ZHX1: variants seen among roughly 807,000 people sequenced by gnomAD.
ZHX1 encodes the protein zinc fingers and homeoboxes 1.
Under a neutral mutation model 61.8 loss-of-function variants are expected in ZHX1, and 20 were observed. The observed-to-expected ratio is 0.32, with a 90% CI of 0.23 to 0.47. The LOEUF is 0.47. Among genes scored for constraint, ZHX1 ranks in the 20% least tolerant of loss-of-function variants. The probability of loss-of-function intolerance (pLI) is 1.00; values close to 1 mark genes in which losing one functional copy is unlikely to be tolerated. For missense variants in ZHX1, 800 were observed against 1,034.8 expected, an observed-to-expected ratio of 0.77 and a Z score of 3.11; for synonymous variants, 318 against 352.6, an observed-to-expected ratio of 0.90 and a Z score of 1.10.
chr8:123,252,096 G>A (rs1251234005), intron 3 of ZHX1, among the ~76,000 whole-genome samples: 2 of 152,148 alleles, frequency 1.3e-5, no homozygotes. Flanking sequence ...AAGTAAGCAT[G>A]CTCACGTATA....
Position 123,253,992 on chromosome 8 carries a change from T to C in ZHX1, c.1955A>G (p.Glu652Gly). Reference sequence around the variant, plus strand: ...ACTCCCTGACTTAGGTGCACCAGATTCATCTGCAGGAGAAGTTTCTCCAGC... The same window carrying C: ...ACTCCCTGACTTAGGTGCACCAGATCCATCTGCAGGAGAAGTTTCTCCAGC... The part of the protein sequence containing the change: ...EEAGETSPAD[E>G]SGAPKSGSTG... Residue 652 changes from glutamate to glycine, a missense_variant, in exon 3 of 4, where the codon GAA becomes GGA. Coordinates refer to ENST00000395571, the MANE Select transcript of ZHX1 (RefSeq NM_007222.5). The C allele has an allele frequency of 1.2e-6, 2 of 1,614,192 alleles. No homozygotes were observed. The highest frequency in any genetic ancestry group is 1.7e-6 in the Non-Finnish European group (2 of 1,180,032).
intron 1 of ZHX1, 45 bp from the exon 2 acceptor site, chr8:123,267,431 T>C: frequency 1.8e-6 from 1 of 551,698 alleles, no homozygotes; most frequent in Non-Finnish European, 2.8e-6. Flanking sequence ...AATTTAGCCT[T>C]AGTCAGGAAA....
rs965823768 is a variant in ZHX1 at position 123,261,012 on chromosome 8, ACT to A, written c.-225-4843_-225-4842del. ...ATTCCAGCCTGGGTGACAGAGAGAG[ACT>A]CTGTCTCAAAAAAAAGACTATTTGC... On this transcript the variant is annotated intron_variant, in intron 2 of 3. Transcript: ENST00000395571. Among the ~76,000 whole-genome samples, 25 of 152,084 alleles carry A rather than the reference ACT, an allele frequency of 1.6e-4. 1 individual carries two copies. The highest frequency in any genetic ancestry group is 5.8e-4 in the African/African-American group (24 of 41,478).
chr8:123,253,291 T>G, intron 3 of ZHX1, 31 bp downstream of exon 3: 1 of 1,523,058 alleles, frequency 6.6e-7, no homozygotes. Context: ...TTGATGAACA[T>G]ATACGCAGAT....
chr8:123,266,507 A>C (rs916127041), intron 2 of ZHX1, among the ~76,000 whole-genome samples: 1 of 152,208 alleles, frequency 6.6e-6, no homozygotes, highest in African/African-American at 2.4e-5. Flanking sequence ...ATGTTTATCA[A>C]ATCTTTCCTA....
In ZHX1 at chr8:123,253,658, G is replaced by C; in HGVS notation, c.2289C>G (p.Ser763Arg). ...CCCTGTCCCAGTTGTTAATTCTTTTGCTTCCTCTAGGCCGCCCACGCGGTC... is the reference window on the plus strand; with the variant it reads ...CCCTGTCCCAGTTGTTAATTCTTTTCCTTCCTCTAGGCCGCCCACGCGGTC... ...RGRPRGRPRG[S>R]KRINNWDRGP... The change falls in exon 3 of 4, where the codon AGC becomes AGG. Residue 763 changes from serine to arginine, a missense_variant. Physicochemically the swap from Ser to Arg is moderately radical, Grantham distance 110. Coordinates refer to ENST00000395571, the MANE Select transcript of ZHX1 (RefSeq NM_007222.5). 1 of 1,614,164 alleles carries C rather than the reference G, an allele frequency of 6.2e-7. No individual in the cohort carries two copies. The highest frequency in any genetic ancestry group is 8.5e-7 in the Non-Finnish European group (1 of 1,180,022).
Position 123,255,898 on chromosome 8 carries a change from C to T in ZHX1, c.49G>A (p.Glu17Lys). The T allele has an allele frequency of 6.2e-7, 1 of 1,613,860 alleles. No homozygotes were observed. Among genetic ancestry groups the T allele is most frequent in the Non-Finnish European group, 8.5e-7 (1 of 1,179,922 alleles). The stretch of plus-strand genomic sequence containing the variant: ...ATCAACTCAAGGTCTGGATCTTGTT[C>T]ACTGGCAAGGACCATGCAAGGTGTT... ...STTPCMVLAS[E>K]QDPDLELISD... is the part of the protein sequence containing the mutation. The change falls in exon 3 of 4, where the codon GAA becomes AAA. Residue 17 changes from glutamate to lysine, a missense_variant. Physicochemically the swap from Glu to Lys is moderately conservative, Grantham distance 56. Coordinates refer to ENST00000395571, the MANE Select transcript of ZHX1 (RefSeq NM_007222.5).
Position 123,255,890 on chromosome 8 carries a change from A to T in ZHX1, c.57T>A (p.Asp19Glu), listed in dbSNP as rs375364159. The T allele has an allele frequency of 1.7e-5, 28 of 1,613,988 alleles. No homozygotes were observed. In the African/African-American group the frequency reaches 2.4e-4, roughly 14 times the overall value. ...TPCMVLASEQ[D>E]PDLELISDLD... ...AATCTGATATCAACTCAAGGTCTGG[A>T]TCTTGTTCACTGGCAAGGACCATGC... The change falls in exon 3 of 4, where the codon GAT becomes GAA. Residue 19 changes from aspartate (D) to glutamate (E), a missense_variant. Asp to Glu is a conservative substitution (Grantham distance 45). Coordinates refer to ENST00000395571, the MANE Select transcript of ZHX1 (RefSeq NM_007222.5).
upstream of ZHX1, among the ~76,000 whole-genome samples, chr8:123,274,916 G>C (rs528697159): frequency 6.6e-6 from 1 of 152,224 alleles, no homozygotes; most frequent in South Asian, 2.1e-4. Context: ...CCCCTCGGGG[G>C]GCTGCTGCGA....
At chr8:123,258,401 T>C (rs1353024700) in intron 2 of ZHX1, among the ~76,000 whole-genome samples, 1 of 152,204 alleles carries the variant, frequency 6.6e-6, no homozygotes, top group Non-Finnish European at 1.5e-5. Context: ...AAACCCTTTA[T>C]CTTTCTAAAT....
intron 1 of ZHX1, among the ~76,000 whole-genome samples, chr8:123,273,041 A>G (rs1826708694): frequency 6.6e-6 from 1 of 150,682 alleles, no homozygotes; most frequent in African/African-American, 2.5e-5. Context: ...GCTCTGTCCG[A>G]TATCTTCCCT....
upstream of ZHX1, among the ~76,000 whole-genome samples, chr8:123,274,930 C>T (rs928714986): frequency 1.3e-5 from 2 of 152,266 alleles, no homozygotes; most frequent in African/African-American, 4.8e-5. Context: ...GCTGCGAGTC[C>T]GGCCGGGAGC....
chr8:123,251,348 G>A (rs1825914044), intron 3 of ZHX1, among the ~76,000 whole-genome samples: 2 of 152,104 alleles, frequency 1.3e-5, no homozygotes, highest in South Asian at 4.1e-4. Flanking sequence ...GTCTCAGGTC[G>A]TTCTTTATAG....
intron 2 of ZHX1, among the ~76,000 whole-genome samples, chr8:123,257,489 C>A (rs994337708): frequency 4.6e-5 from 7 of 152,190 alleles, no homozygotes; most frequent in Non-Finnish European, 1.0e-4. Context: ...TAGGTTAGGA[C>A]ACTTGATGTG....
In ZHX1 at chr8:123,249,998, T is replaced by C. The variant is rs998574443; in HGVS notation, c.*326A>G. On this transcript the variant is annotated 3_prime_UTR_variant, in exon 4 of 4. Transcript: ENST00000395571. ...CTGGACTGAATATGAGGACAAGCTCTAGTGGTCATTAAACCCCCTCAGAAA... is the reference window on the plus strand; with the variant it reads ...CTGGACTGAATATGAGGACAAGCTCCAGTGGTCATTAAACCCCCTCAGAAA... The C allele has an allele frequency of 3.6e-5, 11 of 305,196 alleles. No individual in the cohort carries two copies. Among genetic ancestry groups the C allele is most frequent in the African/African-American group, 6.7e-5 (3 of 44,554 alleles). 18.9% of individuals were successfully genotyped at this position (305,196 alleles called of 1,614,324 possible). A position where few individuals can be genotyped will look rare whatever the true frequency, so the allele number is the denominator to read the frequency against.
intron 2 of ZHX1, among the ~76,000 whole-genome samples, chr8:123,265,578 T>C (rs1311780103): frequency 6.6e-6 from 1 of 152,106 alleles, no homozygotes; most frequent in Non-Finnish European, 1.5e-5. Flanking sequence ...AAAGTTAAAA[T>C]GTAAAAATAA....
chr8:123,248,855 T>C lies in ZHX1; in HGVS notation c.*1469A>G, dbSNP rs567941059. 3.9e-5 allele frequency: 6 copies of C among 152,592 alleles called. No homozygotes were observed. The highest frequency in any genetic ancestry group is 1.4e-4 in the African/African-American group (6 of 41,560). 9.5% of individuals were successfully genotyped at this position (152,592 alleles called of 1,614,324 possible). ...TGCATTACGGTCTTTACATTGCTTCTTTTTTAAAAAAGTTAACAGTAGTAT... is the reference window on the plus strand; with the variant it reads ...TGCATTACGGTCTTTACATTGCTTCCTTTTTAAAAAAGTTAACAGTAGTAT... On this transcript the variant is annotated 3_prime_UTR_variant, in exon 4 of 4. Coordinates refer to ENST00000395571, the MANE Select transcript of ZHX1 (RefSeq NM_007222.5).
chr8:123,275,490 G>A (rs1412194491), upstream of ZHX1: 1 of 151,750 alleles, frequency 6.6e-6, no homozygotes, highest in Non-Finnish European at 1.5e-5. Flanking sequence ...GCTCCGCTGA[G>A]CCACATTAAT....
At chr8:123,261,198 G>A (rs1826246655) in intron 2 of ZHX1, among the ~76,000 whole-genome samples, 1 of 152,148 alleles carries the variant, frequency 6.6e-6, no homozygotes, top group Non-Finnish European at 1.5e-5. Context: ...TCTAAAAATA[G>A]ACCAAAGGGC....
Sources: allele counts gnomAD v4.1 joint callset (sites outside exome capture counted in the v4.1 genomes callset), GRCh38; gene constraint gnomAD v4.1.1; transcripts MANE v1.5; gene names NCBI Gene and HGNC (gene_info 2026-07-23, HGNC 2026-07-21).